Variants in CTNNA2 observed in about 807,000 individuals in gnomAD.
CTNNA2 encodes catenin alpha 2.
CTNNA2 carries 42 observed loss-of-function variants against 101.0 expected under a neutral mutation model. The observed-to-expected ratio is 0.42, with a 90% CI of 0.32 to 0.54. CTNNA2 has a LOEUF of 0.54. Ranked by LOEUF, CTNNA2 falls within the 20% of genes least tolerant of loss-of-function variation. The pLI is 0.14. For missense variants in CTNNA2, 871 were observed against 1,223.1 expected, an observed-to-expected ratio of 0.71 and a Z score of 4.29; for synonymous variants, 450 against 456.4, an observed-to-expected ratio of 0.99 and a Z score of 0.18.
chr2:79,768,201 G>A (rs1272724929), intron 3 of CTNNA2, among the ~76,000 whole-genome samples: 1 of 151,648 alleles, frequency 6.6e-6, no homozygotes, highest in South Asian at 2.1e-4. Context: ...CATTTCCTCA[G>A]GATTGCTGAG....
At chr2:79,750,373 C>G (rs1299004545) in intron 3 of CTNNA2, among the ~76,000 whole-genome samples, 1 of 152,200 alleles carries the variant, frequency 6.6e-6, no homozygotes, top group African/African-American at 2.4e-5. Context: ...TGGACCCAGG[C>G]TTCAAGATGT....
intron 7 of CTNNA2, among the ~76,000 whole-genome samples, chr2:80,232,647 T>C (rs1047356981): frequency 6.6e-6 from 1 of 152,110 alleles, no homozygotes; most frequent in Non-Finnish European, 1.5e-5. Context: ...AGAAAACTTC[T>C]GGGCAGAAAC....
Position 80,075,574 on chromosome 2 carries a change from TAATA to T in CTNNA2, c.1056+165778_1056+165781del, listed in dbSNP as rs1558783221. Among the ~76,000 whole-genome samples the T allele has an allele frequency of 2.3e-3, 290 of 124,998 alleles. 1 individual carries two copies. Among genetic ancestry groups the T allele is most frequent in the Non-Finnish European group, 3.3e-3 (198 of 60,460 alleles). The allele number at this position is 124,998 out of a possible 152,430, so 82.0% of individuals were successfully genotyped here. ...TTATACATGTATAAATATTATAAAA[TAATA>T]TTTATACATGTATAAATATAAATAT... On this transcript the variant is annotated intron_variant, in intron 7 of 18. Transcript: ENST00000402739.
At chr2:80,362,819 A>G (rs1301728572) in intron 7 of CTNNA2, among the ~76,000 whole-genome samples, 1 of 152,032 alleles carries the variant, frequency 6.6e-6, no homozygotes, top group Non-Finnish European at 1.5e-5. Flanking sequence ...CCATAGTAGT[A>G]TTAACAATAA....
intron 4 of CTNNA2, among the ~76,000 whole-genome samples, chr2:79,425,646 C>A (rs1252324188): frequency 6.6e-6 from 1 of 152,064 alleles, no homozygotes; most frequent in African/African-American, 2.4e-5. Context: ...AAGGCCCCAC[C>A]TTTTAATGCT....
chr2:79,206,477 C>G (rs543566907), intron 2 of CTNNA2, among the ~76,000 whole-genome samples: 1 of 152,154 alleles, frequency 6.6e-6, no homozygotes, highest in East Asian at 1.9e-4. Context: ...TTTTATGCAC[C>G]CTTTTGATCT....
At chr2:80,398,885 A>G (rs1303588081) in intron 8 of CTNNA2, among the ~76,000 whole-genome samples, 1 of 151,632 alleles carries the variant, frequency 6.6e-6, no homozygotes, top group Non-Finnish European at 1.5e-5. Context: ...AGAAAGAAAG[A>G]AATGGAATCA....
At position 79,622,475 on chromosome 2, in the gene CTNNA2, GTTGT is replaced by G. The variant is rs531261023; in HGVS notation, c.-5-29073_-5-29070del. ...TCCTTTAAATTGTGATGAAAATATG[GTTGT>G]TTGATAAATGATGTTTTTAACATTC... On this transcript the variant is annotated intron_variant, in intron 1 of 18. Coordinates refer to ENST00000402739, the MANE Select transcript of CTNNA2 (RefSeq NM_001282597.3). 3.7e-4 allele frequency among the ~76,000 whole-genome samples: 57 copies of G among 152,232 alleles called. No individual in the cohort carries two copies. In the East Asian group the frequency reaches 0.011, roughly 28 times the overall value.
intron 7 of CTNNA2, among the ~76,000 whole-genome samples, chr2:80,294,642 A>T (rs926409724): frequency 6.6e-6 from 1 of 151,230 alleles, no homozygotes; most frequent in Non-Finnish European, 1.5e-5. Context: ...GCTTAAAAAA[A>T]ATAATAATAA....
intron 3 of CTNNA2, among the ~76,000 whole-genome samples, chr2:79,372,449 G>A (rs1677893746): frequency 6.6e-6 from 1 of 152,126 alleles, no homozygotes; most frequent in Admixed American, 6.5e-5. Flanking sequence ...TGTGCTCTGT[G>A]TATATCCTAC....
rs184070598 is a variant in CTNNA2, at chr2:79,592,224, G to A, written c.-5-59328G>A. ...CAACCTCTGCCTCCCGGGTTCAGGC[G>A]ATTCTCCTGTCTCAGCCTCCCGAGT... On this transcript the variant is annotated intron_variant, in intron 1 of 18. Coordinates refer to ENST00000402739, the MANE Select transcript of CTNNA2 (RefSeq NM_001282597.3). Among the ~76,000 whole-genome samples, 15 of 151,348 alleles carry A rather than the reference G, an allele frequency of 9.9e-5. No homozygotes were observed. In the South Asian group the frequency reaches 2.5e-3, roughly 25 times the overall value.
At chr2:79,874,987 G>A (rs914366883) in intron 6 of CTNNA2, among the ~76,000 whole-genome samples, 1 of 152,188 alleles carries the variant, frequency 6.6e-6, no homozygotes, top group African/African-American at 2.4e-5. Flanking sequence ...TGCGTGAAAA[G>A]CTGCCATCAA....
At chr2:80,036,904 A>T (rs1240738504) in intron 7 of CTNNA2, among the ~76,000 whole-genome samples, 1 of 151,472 alleles carries the variant, frequency 6.6e-6, no homozygotes, top group Non-Finnish European at 1.5e-5. Context: ...AATCTCAATT[A>T]GGAGTTTTGT....
chr2:80,249,261 C>A (rs1671571999), intron 7 of CTNNA2, among the ~76,000 whole-genome samples: 1 of 152,180 alleles, frequency 6.6e-6, no homozygotes, highest in African/African-American at 2.4e-5. Flanking sequence ...AAAGAACCTG[C>A]AGGAGCATTG....
chr2:79,392,694 C>T (rs1678187777), intron 4 of CTNNA2, among the ~76,000 whole-genome samples: 1 of 152,116 alleles, frequency 6.6e-6, no homozygotes, highest in African/African-American at 2.4e-5. Flanking sequence ...TGACTCTACT[C>T]AACTATTCAT....
At chr2:79,775,371 A>G (rs1185579104) in intron 3 of CTNNA2, among the ~76,000 whole-genome samples, 1 of 152,196 alleles carries the variant, frequency 6.6e-6, no homozygotes, top group Non-Finnish European at 1.5e-5. Flanking sequence ...ACATTTTGGC[A>G]TCATTGATAT....
intron 2 of CTNNA2, among the ~76,000 whole-genome samples, chr2:79,214,058 T>C (rs910744699): frequency 5.3e-4 from 81 of 151,530 alleles, no homozygotes; most frequent in Non-Finnish European, 8.2e-4. Context: ...AGGAAAGGAG[T>C]TGTTGTTTTG....
chr2:79,812,971 A>G (rs912867292), intron 3 of CTNNA2, among the ~76,000 whole-genome samples: 5 of 152,152 alleles, frequency 3.3e-5, no homozygotes, highest in African/African-American at 1.2e-4. Flanking sequence ...GACCAGTCCA[A>G]CTTCACAGGT....
intron 6 of CTNNA2, among the ~76,000 whole-genome samples, chr2:79,899,703 A>G (rs1684954721): frequency 6.6e-6 from 1 of 152,248 alleles, no homozygotes; most frequent in African/African-American, 2.4e-5. Flanking sequence ...GATAAATGGC[A>G]TAATTAGTTT....
Sources: gnomAD v4.1 joint callset for allele counts (sites outside exome capture counted in the v4.1 genomes callset) on GRCh38, gnomAD v4.1.1 for gene constraint, MANE v1.5 for transcripts, NCBI Gene and HGNC (gene_info 2026-07-23, HGNC 2026-07-21) for gene names.